The following ITPR1 variants were observed in gnomAD, a reference collection of about 807,000 sequenced individuals.
ITPR1 encodes the protein inositol 1,4,5-trisphosphate-gated calcium channel ITPR1.
In ITPR1, 96 loss-of-function variants were observed where a neutral mutation model predicts 318.4. That is an observed-to-expected ratio of 0.30 (90% confidence interval 0.26 to 0.36). The LOEUF is 0.36. ITPR1 is among the 10% of genes least tolerant of loss of function. The probability of loss-of-function intolerance (pLI) is 1.00; values close to 1 mark genes in which losing one functional copy is unlikely to be tolerated. For missense variants in ITPR1, 2,440 were observed against 3,460.2 expected, an observed-to-expected ratio of 0.71 and a Z score of 7.40; for synonymous variants, 1,312 against 1,289.9, an observed-to-expected ratio of 1.02 and a Z score of -0.37.
intron 24 of ITPR1, among the ~76,000 whole-genome samples, chr3:4,678,651 C>T (rs1042731912): frequency 2.0e-5 from 3 of 152,054 alleles, no homozygotes; most frequent in Non-Finnish European, 4.4e-5. Context: ...GACTGGAGTC[C>T]GGGAGTGGGG....
chr3:4,694,877 A>T (rs1002200710), intron 33 of ITPR1, among the ~76,000 whole-genome samples: 6 of 152,204 alleles, frequency 3.9e-5, no homozygotes, highest in African/African-American at 1.4e-4. Flanking sequence ...CTGTTTTCCC[A>T]CCACCCTACA....
At chr3:4,787,432 C>T (rs929236401) in intron 51 of ITPR1, among the ~76,000 whole-genome samples, 9 of 150,444 alleles carry the variant, frequency 6.0e-5, no homozygotes, top group East Asian at 1.9e-4. Flanking sequence ...CAGTGGCTCA[C>T]GCCTGTAATC....
At chr3:4,784,570 T>TG (rs1378385287) in intron 51 of ITPR1, among the ~76,000 whole-genome samples, 4 of 145,304 alleles carry the variant, frequency 2.8e-5, no homozygotes, top group African/African-American at 7.5e-5. Context: ...TTTTTTGTTT[T>TG]TTTTTTTTTT....
chr3:4,752,558 G>C (rs2874877), intron 44 of ITPR1, among the ~76,000 whole-genome samples: 64,459 of 152,092 alleles, frequency 0.42, 13,820 homozygotes, highest in East Asian at 0.44. Flanking sequence ...TCACATGCAG[G>C]CTTCTTCTGG....
At chr3:4,602,081 T>C (rs2091328830) in intron 4 of ITPR1, among the ~76,000 whole-genome samples, 1 of 152,194 alleles carries the variant, frequency 6.6e-6, no homozygotes, top group African/African-American at 2.4e-5. Context: ...CTCTCACACA[T>C]TGCTGGCAGG....
At chr3:4,596,954 G>T (rs557458865) in intron 4 of ITPR1, among the ~76,000 whole-genome samples, 1 of 152,214 alleles carries the variant, frequency 6.6e-6, no homozygotes, top group East Asian at 1.9e-4. Flanking sequence ...CCAGGGGTTT[G>T]CCGCTTACTG....
At chr3:4,726,605 C>G (rs2042534210) in intron 41 of ITPR1, among the ~76,000 whole-genome samples, 1 of 152,146 alleles carries the variant, frequency 6.6e-6, no homozygotes, top group Non-Finnish European at 1.5e-5. Flanking sequence ...TTCTAATGAT[C>G]AGTGTTTAAT....
chr3:4,765,656 G>A (rs1338789763), intron 44 of ITPR1, among the ~76,000 whole-genome samples: 1 of 152,248 alleles, frequency 6.6e-6, no homozygotes. Flanking sequence ...ATATTGTTGG[G>A]AGCTTTGTTT....
chr3:4,565,834 A>T (rs1437567756), intron 4 of ITPR1, among the ~76,000 whole-genome samples: 2 of 152,242 alleles, frequency 1.3e-5, no homozygotes, highest in African/African-American at 2.4e-5. Context: ...TGAATGTCCA[A>T]GTGGTTTGAA....
intron 4 of ITPR1, among the ~76,000 whole-genome samples, chr3:4,533,121 A>C (rs1319121569): frequency 2.6e-5 from 4 of 152,226 alleles, no homozygotes; most frequent in Non-Finnish European, 5.9e-5. Context: ...GCACAGATGC[A>C]CTGTAGACAA....
intron 4 of ITPR1, among the ~76,000 whole-genome samples, chr3:4,534,731 G>A (rs931937936): frequency 6.6e-6 from 1 of 152,106 alleles, no homozygotes; most frequent in Non-Finnish European, 1.5e-5. Flanking sequence ...AATTATATGT[G>A]TCTAAAAATG....
chr3:4,627,033 C>G (rs894255158), intron 4 of ITPR1, among the ~76,000 whole-genome samples: 1 of 152,016 alleles, frequency 6.6e-6, no homozygotes, highest in Non-Finnish European at 1.5e-5. Flanking sequence ...GTTGACCAGG[C>G]TGGTCTCAAA....
intron 48 of ITPR1, among the ~76,000 whole-genome samples, chr3:4,777,788 C>CAA (rs34204694): frequency 1.5e-3 from 223 of 146,170 alleles, no homozygotes; most frequent in Middle Eastern, 3.6e-3. Context: ...TATCTAGGAC[C>CAA]AAAAAAAAAA....
chr3:4,498,628 G>C (rs900312429), intron 2 of ITPR1, among the ~76,000 whole-genome samples: 1 of 152,202 alleles, frequency 6.6e-6, no homozygotes, highest in Admixed American at 6.5e-5. Context: ...TCACATACCA[G>C]ATGGGAACTC....
chr3:4,564,657 CTG>C (rs1400600371), intron 4 of ITPR1, among the ~76,000 whole-genome samples: 2 of 152,294 alleles, frequency 1.3e-5, no homozygotes, highest in Admixed American at 1.3e-4. Context: ...AAGGTGCCAT[CTG>C]TGAACTAGGG....
intron 44 of ITPR1, among the ~76,000 whole-genome samples, chr3:4,752,613 G>A (rs1460628036): frequency 6.6e-6 from 1 of 152,236 alleles, no homozygotes; most frequent in African/African-American, 2.4e-5. Flanking sequence ...AGCTTGGCTT[G>A]AGTGTTTCGG....
chr3:4,685,226 C>T lies in ITPR1; in HGVS notation c.3702+20C>T, dbSNP rs748561964. The T allele has an allele frequency of 2.5e-5, 39 of 1,583,938 alleles. No homozygotes were observed. The highest frequency in any genetic ancestry group is 3.3e-5 in the Non-Finnish European group (39 of 1,168,142). ...GAGAAGGTGAGCGGTGCCTCATGCA[C>T]AGCAGCTGCTCTCAGGATGGGGCGG... On this transcript the variant is annotated intron_variant, in intron 30 of 61. Transcript: ENST00000649015.
intron 4 of ITPR1, among the ~76,000 whole-genome samples, chr3:4,525,241 C>G (rs996669573): frequency 6.6e-6 from 1 of 152,158 alleles, no homozygotes; most frequent in African/African-American, 2.4e-5. Context: ...TAGGGTCAAA[C>G]AATTCCATCC....
chr3:4,610,843 CT>C (rs1277540767), intron 4 of ITPR1, among the ~76,000 whole-genome samples: 2 of 148,072 alleles, frequency 1.4e-5, no homozygotes, highest in Non-Finnish European at 1.5e-5. Context: ...TTCCCTTTCT[CT>C]TTCCCTTTCC....
Sources: gnomAD v4.1 joint callset for allele counts (sites outside exome capture counted in the v4.1 genomes callset) on GRCh38, gnomAD v4.1.1 for gene constraint, MANE v1.5 for transcripts, NCBI Gene and HGNC (gene_info 2026-07-23, HGNC 2026-07-21) for gene names.